Variants in DDX19B observed in about 807,000 individuals in gnomAD.
DDX19B encodes the protein DEAD-box helicase 19B, also known as ATP-dependent RNA helicase DDX19B.
DDX19B carries 27 observed loss-of-function variants against 58.1 expected under a neutral mutation model. The observed-to-expected ratio is 0.46, with a 90% CI of 0.34 to 0.64. The LOEUF (loss-of-function observed/expected upper bound fraction) is 0.64. Among genes scored for constraint, DDX19B ranks in the 30% least tolerant of loss-of-function variants. The pLI, the probability that DDX19B is intolerant of heterozygous loss-of-function variation, is 0.01. For missense variants in DDX19B, 399 were observed against 596.5 expected, an observed-to-expected ratio of 0.67 and a Z score of 3.45; for synonymous variants, 187 against 214.4, an observed-to-expected ratio of 0.87 and a Z score of 1.12.
At chr16:70,330,615 A>T (rs1414344048) in intron 9 of DDX19B, among the ~76,000 whole-genome samples, 2 of 151,984 alleles carry the variant, frequency 1.3e-5, no homozygotes, top group Non-Finnish European at 2.9e-5. Flanking sequence ...AACAAACAAA[A>T]AACCAACAAC....
chr16:70,317,603 AC>A lies in DDX19B; in HGVS notation c.389+16del. 4 of 1,592,556 alleles carry A rather than the reference AC, an allele frequency of 2.5e-6. No homozygotes were observed. The African/African-American group carries it at 5.4e-5, about 21-fold the overall frequency. On this transcript the variant is annotated intron_variant, in intron 5 of 11. Coordinates refer to ENST00000288071, the MANE Select transcript of DDX19B (RefSeq NM_007242.7). ...CTTGCTGAGCCGTATGTGTCCTATT[AC>A]AACTCCATTTCATTTTAGATTTTCT...
chr16:70,302,586 T>C (rs545999352), intron 1 of DDX19B, among the ~76,000 whole-genome samples: 1 of 152,310 alleles, frequency 6.6e-6, no homozygotes, highest in South Asian at 2.1e-4. Context: ...CATTCCTTTT[T>C]ATTGCTGAGT....
intron 5 of DDX19B, among the ~76,000 whole-genome samples, chr16:70,323,084 G>A (rs961996565): frequency 6.6e-6 from 1 of 151,898 alleles, no homozygotes; most frequent in African/African-American, 2.4e-5. Context: ...TGCTGCGGCT[G>A]CTCCGTTTTT....
intron 1 of DDX19B, among the ~76,000 whole-genome samples, chr16:70,300,452 C>T (rs1961435406): frequency 6.6e-6 from 1 of 152,152 alleles, no homozygotes; most frequent in Non-Finnish European, 1.5e-5. Context: ...AAGTGATCCA[C>T]CTGCCTCAGC....
upstream of DDX19B, among the ~76,000 whole-genome samples, chr16:70,298,681 T>C (rs1961323225): frequency 6.6e-6 from 1 of 151,932 alleles, no homozygotes; most frequent in South Asian, 2.1e-4. Flanking sequence ...ATTCTCCTGA[T>C]TCTACAACGC....
At chr16:70,306,752 T>A (rs1444818720) in intron 1 of DDX19B, among the ~76,000 whole-genome samples, 1 of 152,218 alleles carries the variant, frequency 6.6e-6, no homozygotes, top group African/African-American at 2.4e-5. Context: ...TATGGTGAGA[T>A]TAAAGTGTAC....
intron 6 of DDX19B, 120 bp from the exon 7 acceptor site, chr16:70,325,454 T>C: frequency 1.4e-6 from 1 of 692,490 alleles, no homozygotes; most frequent in African/African-American, 1.8e-5. Context: ...TGGTGTACAT[T>C]TTAATGTACA....
upstream of DDX19B, among the ~76,000 whole-genome samples, chr16:70,296,060 A>G (rs999526311): frequency 5.5e-5 from 8 of 145,928 alleles, no homozygotes; most frequent in Non-Finnish European, 1.2e-4. Context: ...GCTGGAGTGC[A>G]GTGGCATGAT....
chr16:70,309,679 G>A (rs1251606715), intron 1 of DDX19B, among the ~76,000 whole-genome samples: 1 of 151,578 alleles, frequency 6.6e-6, no homozygotes, highest in East Asian at 2.0e-4. Flanking sequence ...TTAGCTGTGC[G>A]TAGTTGCACA....
chr16:70,329,988 A>C lies in DDX19B; in HGVS notation c.943A>C (p.Ser315Arg). 1 of 1,614,226 alleles carries C rather than the reference A, an allele frequency of 6.2e-7. No individual in the cohort carries two copies. Among genetic ancestry groups the C allele is most frequent in the Non-Finnish European group, 8.5e-7 (1 of 1,180,048 alleles). ...DTIKQYYVLC[S>R]SRDEKFQALC... ...CATCAAGCAGTACTATGTCCTGTGC[A>C]GCAGCAGAGACGAGAAGTTCCAGGC... is the stretch of plus-strand genomic sequence containing the variant. The change falls in exon 9 of 12, where the codon AGC becomes CGC. Residue 315 changes from serine to arginine, a missense_variant. By Grantham distance (110) the Ser-to-Arg change is moderately radical (BLOSUM62 -1). Transcript: ENST00000288071.
At chr16:70,292,727 A>G (rs78814197), upstream of DDX19B, among the ~76,000 whole-genome samples, 1,474 of 152,310 alleles carry the variant, frequency 9.7e-3, 34 homozygotes, top group African/African-American at 0.033. Flanking sequence ...GTTGAACTCC[A>G]TCTTGGGGCA....
At chr16:70,303,274 AG>A (rs1425068323) in intron 1 of DDX19B, among the ~76,000 whole-genome samples, 1 of 152,064 alleles carries the variant, frequency 6.6e-6, no homozygotes, top group African/African-American at 2.4e-5. Flanking sequence ...CTGTCTCCAG[AG>A]TAGCTGGGAC....
Position 70,299,198 on chromosome 16 carries a change from TGG to T in DDX19B, c.-97_-96del. On this transcript the variant is annotated 5_prime_UTR_variant, in exon 1 of 12. Transcript: ENST00000288071. The stretch of plus-strand genomic sequence containing the variant: ...CCGCTTCCGGTCTGCAGCCTTGTAG[TGG>T]GGCTGGAGCAGAGCCTGCCGCGAAC... The T allele has an allele frequency of 7.1e-7, 1 of 1,406,818 alleles. No individual in the cohort carries two copies. The highest frequency in any genetic ancestry group is 9.2e-7 in the Non-Finnish European group (1 of 1,081,104). The allele number at this position is 1,406,818 out of a possible 1,614,324, so 87.1% of individuals were successfully genotyped here. A position where few individuals can be genotyped will look rare whatever the true frequency, so the allele number is the denominator to read the frequency against.
At chr16:70,294,773 A>T, upstream of DDX19B, 2 of 1,245,840 alleles carry the variant, frequency 1.6e-6, no homozygotes, top group Non-Finnish European at 2.1e-6. Context: ...TCCAGGCCTC[A>T]GCCAATGAGG....
At chr16:70,311,605 A>C (rs933531887) in intron 1 of DDX19B, among the ~76,000 whole-genome samples, 1 of 152,146 alleles carries the variant, frequency 6.6e-6, no homozygotes, top group Non-Finnish European at 1.5e-5. Flanking sequence ...TATTTGATCA[A>C]AGTCTTAGTA....
intron 7 of DDX19B, among the ~76,000 whole-genome samples, chr16:70,328,469 T>C (rs1235725234): frequency 6.6e-6 from 1 of 150,768 alleles, no homozygotes; most frequent in East Asian, 2.0e-4. Context: ...TTCAAGCGAT[T>C]CTCCTGCCCC....
intron 1 of DDX19B, among the ~76,000 whole-genome samples, chr16:70,304,135 G>A (rs1429603073): frequency 3.3e-5 from 5 of 151,528 alleles, no homozygotes; most frequent in Non-Finnish European, 7.4e-5. Context: ...TCGCCTCCGG[G>A]GTTCAAGCAA....
upstream of DDX19B, among the ~76,000 whole-genome samples, chr16:70,291,594 G>A (rs1478480489): frequency 6.6e-6 from 1 of 152,066 alleles, no homozygotes; most frequent in East Asian, 1.9e-4. Context: ...CAGATCATGA[G>A]GTCAGGAGAT....
upstream of DDX19B, among the ~76,000 whole-genome samples, chr16:70,290,923 C>G (rs1268983313): frequency 6.6e-6 from 1 of 152,190 alleles, no homozygotes; most frequent in Non-Finnish European, 1.5e-5. Flanking sequence ...TTACCTCCAT[C>G]ATCTGATATA....
Sources: allele counts gnomAD v4.1 joint callset (sites outside exome capture counted in the v4.1 genomes callset), GRCh38; gene constraint gnomAD v4.1.1; transcripts MANE v1.5; gene names NCBI Gene and HGNC (gene_info 2026-07-23, HGNC 2026-07-21).